Variants in UNC5B observed in about 807,000 individuals in gnomAD.
The protein encoded by UNC5B is netrin receptor UNC5B.
In UNC5B, 56 loss-of-function variants were observed where a neutral mutation model predicts 103.7. That is an observed-to-expected ratio of 0.54 (90% CI 0.44 to 0.67). UNC5B has a LOEUF of 0.67. Ranked by LOEUF, UNC5B falls within the 30% of genes least tolerant of loss-of-function variation. UNC5B has a pLI of 0.00. For missense variants in UNC5B, 1,194 were observed against 1,284.5 expected, an observed-to-expected ratio of 0.93 and a Z score of 1.08; for synonymous variants, 577 against 542.0, an observed-to-expected ratio of 1.06 and a Z score of -0.90.
chr10:71,236,678 G>T (rs896522551), intron 1 of UNC5B, among the ~76,000 whole-genome samples: 6 of 152,240 alleles, frequency 3.9e-5, no homozygotes, highest in Non-Finnish European at 8.8e-5. Context: ...CCCCACTGGA[G>T]ACTCCCTGGC....
intron 1 of UNC5B, among the ~76,000 whole-genome samples, chr10:71,262,204 G>A (rs920097104): frequency 6.6e-6 from 1 of 152,142 alleles, no homozygotes; most frequent in African/African-American, 2.4e-5. Flanking sequence ...CTTGGAGGTG[G>A]CTCCTGTTCG....
At chr10:71,224,364 G>GACACACACACACACACACACACAC (rs58378731) in intron 1 of UNC5B, among the ~76,000 whole-genome samples, 5 of 97,350 alleles carry the variant, frequency 5.1e-5, no homozygotes, top group African/African-American at 1.9e-4. Context: ...TCTGTATGTA[G>GACACACACACACACACACACACAC]ACACACACAC....
chr10:71,217,581 G>A (rs953329744), intron 1 of UNC5B: 4 of 152,268 alleles, frequency 2.6e-5, no homozygotes, highest in Admixed American at 2.6e-4. Context: ...ACAAGCCCGG[G>A]CGGAGCGCGC....
At chr10:71,288,834 G>A (rs2132307972) in intron 7 of UNC5B, 102 bp downstream of exon 7, 1 of 1,553,036 alleles carries the variant, frequency 6.4e-7, no homozygotes, top group Non-Finnish European at 8.8e-7. Flanking sequence ...CTGCAGCACG[G>A]CAGTCCTCAG....
At chr10:71,276,580 C>T (rs1016317861) in intron 1 of UNC5B, among the ~76,000 whole-genome samples, 5 of 152,228 alleles carry the variant, frequency 3.3e-5, no homozygotes, top group Admixed American at 3.3e-4. Flanking sequence ...ATTAGAGGTG[C>T]ACACCACCAT....
chr10:71,243,688 C>T (rs953780214), intron 1 of UNC5B, among the ~76,000 whole-genome samples: 3 of 152,116 alleles, frequency 2.0e-5, no homozygotes, highest in Non-Finnish European at 2.9e-5. Context: ...ACCTGGATGG[C>T]CAAGGTTGGA....
chr10:71,248,670 C>T (rs1844099027), intron 1 of UNC5B, among the ~76,000 whole-genome samples: 1 of 152,106 alleles, frequency 6.6e-6, no homozygotes, highest in African/African-American at 2.4e-5. Context: ...CATCATTTTT[C>T]TTTGCAGCCC....
At chr10:71,288,835 C>A in intron 7 of UNC5B, 103 bp downstream of exon 7, 1 of 1,553,938 alleles carries the variant, frequency 6.4e-7, no homozygotes, top group Non-Finnish European at 8.8e-7. Flanking sequence ...TGCAGCACGG[C>A]AGTCCTCAGG....
intron 1 of UNC5B, among the ~76,000 whole-genome samples, chr10:71,235,093 T>G (rs1336964637): frequency 1.2e-5 from 1 of 86,854 alleles, no homozygotes; most frequent in Non-Finnish European, 3.2e-5. Flanking sequence ...TGCCTCTGAC[T>G]CTGCCTCTGC....
intron 1 of UNC5B, among the ~76,000 whole-genome samples, chr10:71,243,410 A>C (rs1337788810): frequency 6.6e-6 from 1 of 152,156 alleles, no homozygotes; most frequent in Non-Finnish European, 1.5e-5. Context: ...TGCACTGCCC[A>C]GTCTGGTAGC....
intron 1 of UNC5B, among the ~76,000 whole-genome samples, chr10:71,225,065 A>G (rs1208815336): frequency 1.3e-5 from 2 of 152,220 alleles, no homozygotes; most frequent in Non-Finnish European, 2.9e-5. Flanking sequence ...CTTGTTAGAC[A>G]CATTTGGAAA....
chr10:71,249,170 C>T (rs1459163744), intron 1 of UNC5B, among the ~76,000 whole-genome samples: 2 of 152,226 alleles, frequency 1.3e-5, no homozygotes, highest in African/African-American at 2.4e-5. Flanking sequence ...AACGTGACCA[C>T]GGCCACAGCT....
chr10:71,271,947 C>T (rs948459044), intron 1 of UNC5B, among the ~76,000 whole-genome samples: 7 of 152,134 alleles, frequency 4.6e-5, no homozygotes, highest in Admixed American at 1.3e-4. Context: ...CATTTGTCAT[C>T]GGTAACGGCC....
intron 15 of UNC5B, among the ~76,000 whole-genome samples, chr10:71,297,519 T>C (rs1005496233): frequency 2.0e-5 from 3 of 152,266 alleles, no homozygotes; most frequent in Non-Finnish European, 4.4e-5. Flanking sequence ...GATACAGGTC[T>C]GGACCCAGGT....
chr10:71,237,037 T>C (rs5025364), intron 1 of UNC5B, among the ~76,000 whole-genome samples: 3,070 of 151,370 alleles, frequency 0.02, 113 homozygotes, highest in African/African-American at 0.07. Context: ...GGCTCCAGGG[T>C]ATTCAGAGGT....
At chr10:71,222,363 G>A (rs1294225345) in intron 1 of UNC5B, among the ~76,000 whole-genome samples, 1 of 152,176 alleles carries the variant, frequency 6.6e-6, no homozygotes, top group Non-Finnish European at 1.5e-5. Flanking sequence ...TTCCAGAGGT[G>A]GCTCACTCTC....
chr10:71,269,940 G>T (rs1013498380), intron 1 of UNC5B, among the ~76,000 whole-genome samples: 4 of 152,200 alleles, frequency 2.6e-5, no homozygotes, highest in African/African-American at 9.6e-5. Flanking sequence ...ATATGTGTGT[G>T]TGGGAGGGGT....
chr10:71,218,851 G>A (rs534330755), intron 1 of UNC5B, among the ~76,000 whole-genome samples: 1 of 152,326 alleles, frequency 6.6e-6, no homozygotes, highest in African/African-American at 2.4e-5. Flanking sequence ...AGCTTGAGTG[G>A]GTGGGATCCC....
rs531781318 is a variant in UNC5B, at chr10:71,215,591, G to A, written c.79+2527G>A. Among the ~76,000 whole-genome samples, 3 of 152,200 alleles carry A rather than the reference G, an allele frequency of 2.0e-5. No homozygotes were observed. The South Asian group carries it at 6.2e-4, about 32-fold the overall frequency. ...CCATAAAACCCCAGACCCTTAGAAG[G>A]TAATGTCAGCAAGTGACTAGCCAGA... On this transcript the variant is annotated intron_variant, in intron 1 of 16. Transcript: ENST00000335350.
Sources: allele counts gnomAD v4.1 joint callset (sites outside exome capture counted in the v4.1 genomes callset), GRCh38; gene constraint gnomAD v4.1.1; transcripts MANE v1.5; gene names NCBI Gene and HGNC (gene_info 2026-07-23, HGNC 2026-07-21).